TRIM44: variants seen among roughly 807,000 people sequenced by gnomAD.
The protein encoded by TRIM44 is tripartite motif containing 44.
Under a neutral mutation model 37.4 loss-of-function variants are expected in TRIM44, and 13 were observed. That is an observed-to-expected ratio of 0.35 (90% confidence interval 0.23 to 0.55). The LOEUF is 0.55. TRIM44 is among the 20% of genes least tolerant of loss of function. The pLI is 0.89. For missense variants in TRIM44, 426 were observed against 437.2 expected (o/e 0.97, Z 0.23); for synonymous variants, 175 against 157.2 (o/e 1.11, Z -0.85).
chr11:35,700,381 A>T (rs1214882695), intron 2 of TRIM44, among the ~76,000 whole-genome samples: 1 of 152,242 alleles, frequency 6.6e-6, no homozygotes, highest in Non-Finnish European at 1.5e-5. Context: ...CTAATTTAAA[A>T]CAATCCTTTA....
chr11:35,782,843 G>GA (rs1235470917), intron 4 of TRIM44, among the ~76,000 whole-genome samples: 1 of 152,180 alleles, frequency 6.6e-6, no homozygotes, highest in African/African-American at 2.4e-5. Flanking sequence ...AGTTGGGAAT[G>GA]CCTAAGTCAG....
chr11:35,766,435 T>G (rs1852799711), intron 4 of TRIM44, among the ~76,000 whole-genome samples: 1 of 152,212 alleles, frequency 6.6e-6, no homozygotes, highest in Non-Finnish European at 1.5e-5. Context: ...AATGATACTC[T>G]GCTTTATTTC....
At chr11:35,721,888 C>G (rs918629121) in intron 2 of TRIM44, among the ~76,000 whole-genome samples, 2 of 152,196 alleles carry the variant, frequency 1.3e-5, no homozygotes, top group Admixed American at 1.3e-4. Context: ...AATAGGAGAT[C>G]TTGCCATCCA....
chr11:35,706,597 G>A (rs2135504707), intron 2 of TRIM44, among the ~76,000 whole-genome samples: 1 of 152,306 alleles, frequency 6.6e-6, no homozygotes, highest in East Asian at 1.9e-4. Context: ...GGGAAGCAAG[G>A]CTGGTTCAAT....
intron 4 of TRIM44, among the ~76,000 whole-genome samples, chr11:35,795,188 GGA>G (rs1297331765): frequency 6.6e-6 from 1 of 152,102 alleles, no homozygotes; most frequent in African/African-American, 2.4e-5. Flanking sequence ...GGCTGGAAAG[GGA>G]GAGAGGGGCC....
chr11:35,714,123 G>A (rs934980619), intron 2 of TRIM44, among the ~76,000 whole-genome samples: 20 of 152,088 alleles, frequency 1.3e-4, no homozygotes, highest in Admixed American at 1.0e-3. Context: ...CAAGGGCATA[G>A]GCTCCCTCTT....
intron 4 of TRIM44, among the ~76,000 whole-genome samples, chr11:35,745,551 T>C (rs1289327522): frequency 6.6e-6 from 1 of 152,210 alleles, no homozygotes; most frequent in African/African-American, 2.4e-5. Flanking sequence ...AGTGAAATGA[T>C]GTATAACGAA....
intron 1 of TRIM44, 115 bp downstream of exon 1, chr11:35,663,895 TC>T: frequency 7.7e-7 from 1 of 1,299,348 alleles, no homozygotes. Context: ...AGCTAGTCTT[TC>T]CAACTTTTTG....
chr11:35,774,894 G>A (rs1331966087), intron 4 of TRIM44, among the ~76,000 whole-genome samples: 3 of 152,192 alleles, frequency 2.0e-5, no homozygotes, highest in Non-Finnish European at 2.9e-5. Flanking sequence ...TTTGAAGTCA[G>A]GTAGCGTGAT....
chr11:35,684,062 CAGAG>C (rs1227643380), intron 1 of TRIM44, among the ~76,000 whole-genome samples: 3 of 151,992 alleles, frequency 2.0e-5, no homozygotes, highest in Non-Finnish European at 4.4e-5. Context: ...GAAATTGAGA[CAGAG>C]AGAGGGTAAG....
At chr11:35,703,584 C>T (rs897902334) in intron 2 of TRIM44, among the ~76,000 whole-genome samples, 2 of 152,184 alleles carry the variant, frequency 1.3e-5, no homozygotes, top group African/African-American at 2.4e-5. Flanking sequence ...AACGATCAGA[C>T]GGCAGCATTC....
intron 2 of TRIM44, among the ~76,000 whole-genome samples, chr11:35,709,359 C>T (rs1564968191): frequency 6.6e-6 from 1 of 152,104 alleles, no homozygotes; most frequent in Non-Finnish European, 1.5e-5. Context: ...CTCTCAGATT[C>T]CCTTGATTAA....
chr11:35,802,834 C>T (rs762685420), intron 4 of TRIM44, among the ~76,000 whole-genome samples: 1 of 152,144 alleles, frequency 6.6e-6, no homozygotes, highest in Non-Finnish European at 1.5e-5. Flanking sequence ...ATTTAAAAAA[C>T]TCTCCAAGTG....
At chr11:35,690,376 G>C (rs959274963) in intron 2 of TRIM44, among the ~76,000 whole-genome samples, 1 of 152,094 alleles carries the variant, frequency 6.6e-6, no homozygotes, top group Non-Finnish European at 1.5e-5. Context: ...TCAGATTCTT[G>C]TCAAAAAATA....
chr11:35,762,304 A>G (rs1230146215), intron 4 of TRIM44, among the ~76,000 whole-genome samples: 4 of 152,100 alleles, frequency 2.6e-5, no homozygotes, highest in African/African-American at 9.7e-5. Context: ...TTTGAGTGAT[A>G]GGGCTCACAT....
intron 4 of TRIM44, among the ~76,000 whole-genome samples, chr11:35,744,549 T>G (rs984700858): frequency 4.1e-5 from 6 of 146,888 alleles, no homozygotes; most frequent in East Asian, 2.0e-4. Context: ...GGGCACCCTG[T>G]TTTTTTTTTT....
intron 4 of TRIM44, among the ~76,000 whole-genome samples, chr11:35,804,265 A>G (rs1019116100): frequency 2.6e-5 from 4 of 152,222 alleles, no homozygotes; most frequent in Non-Finnish European, 5.9e-5. Context: ...TTATCAGTTC[A>G]GACTTCAGAC....
At position 35,685,285 on chromosome 11, in the gene TRIM44, C is replaced by T. The variant is rs757722204; in HGVS notation, c.696C>T (p.Ala232=). The change falls in exon 2 of 5, where the codon GCC becomes GCT. Residue 232 remains alanine, a synonymous_variant. Coordinates refer to ENST00000299413, the MANE Select transcript of TRIM44 (RefSeq NM_017583.6). The stretch of plus-strand genomic sequence containing the variant: ...GCAAAGACTCAGGTGGACTGAAGGC[C>T]GCTATGATCGAATTGGTGGAAAGGT... ...LRSKDSGGLK[A]AMIELVERLK... The T allele has an allele frequency of 4.6e-5, 75 of 1,614,068 alleles. No individual in the cohort carries two copies. The South Asian group carries it at 4.7e-4, about 10-fold the overall frequency.
rs565633102 is a variant in TRIM44 at position 35,721,864 on chromosome 11, C to CA, written c.748-4056dup. ...AAATAGTGGCTATTCCACTGATACA[C>CA]AAAAGACACAAGAAATAGGAGATCT... On this transcript the variant is annotated intron_variant, in intron 2 of 4. Coordinates refer to ENST00000299413, the MANE Select transcript of TRIM44 (RefSeq NM_017583.6). Among the ~76,000 whole-genome samples the CA allele has an allele frequency of 2.0e-4, 30 of 152,264 alleles. No homozygotes were observed. The East Asian group carries it at 5.0e-3, about 25-fold the overall frequency.
Sources: gnomAD v4.1 joint callset for allele counts (sites outside exome capture counted in the v4.1 genomes callset) on GRCh38, gnomAD v4.1.1 for gene constraint, MANE v1.5 for transcripts, NCBI Gene and HGNC (gene_info 2026-07-23, HGNC 2026-07-21) for gene names.